Variants in SLC41A1 observed in about 807,000 individuals in gnomAD.
SLC41A1 encodes the protein solute carrier family 41 member 1.
SLC41A1 carries 20 observed loss-of-function variants against 47.3 expected under a neutral mutation model. That is an observed-to-expected ratio of 0.42 (90% CI 0.30 to 0.61). SLC41A1 has a LOEUF of 0.61. Ranked by LOEUF, SLC41A1 falls within the 20% of genes least tolerant of loss-of-function variation. SLC41A1 has a pLI of 0.17. For synonymous variants in SLC41A1, 282 were observed against 272.7 expected (o/e 1.03, Z -0.34); for missense variants, 504 against 674.1 (o/e 0.75, Z 2.79).
Position 205,798,221 on chromosome 1 carries a change from A to C in SLC41A1, c.845-170T>G, listed in dbSNP as rs115304593. On this transcript the variant is annotated intron_variant, in intron 6 of 10. Transcript: ENST00000367137. ...TGGCAGCTCAGGAGGTAGGTGGGACAAGCCTTTTCCATTTTATGGATGAGG... is the reference window on the plus strand; with the variant it reads ...TGGCAGCTCAGGAGGTAGGTGGGACCAGCCTTTTCCATTTTATGGATGAGG... Among the ~76,000 whole-genome samples the C allele has an allele frequency of 8.4e-3, 1,274 of 152,328 alleles. 25 individuals are homozygous for C. Among genetic ancestry groups the C allele is most frequent in the African/African-American group, 0.029 (1,197 of 41,580 alleles).
chr1:205,797,085 C>A (rs1655768112), intron 7 of SLC41A1, 82 bp from the exon 8 acceptor site: 5 of 1,264,788 alleles, frequency 4.0e-6, no homozygotes, highest in Non-Finnish European at 5.7e-6. Context: ...TCCAGGCCCA[C>A]CTATCCTTGG....
rs980524659 is a variant in SLC41A1, at chr1:205,813,122, G to T, written c.-961C>A. On this transcript the variant is annotated 5_prime_UTR_variant, in exon 1 of 11. Transcript: ENST00000367137. Reference sequence around the variant, plus strand: ...GGGGACCGGGGAGCCGAGCTCACGCGCCCCCAATCGCTTCTTGCCCGCGGA... The same window carrying T: ...GGGGACCGGGGAGCCGAGCTCACGCTCCCCCAATCGCTTCTTGCCCGCGGA... 1.0e-6 allele frequency: 1 copy of T among 985,500 alleles called. No individual in the cohort carries two copies. Among genetic ancestry groups the T allele is most frequent in the Non-Finnish European group, 1.2e-6 (1 of 830,010 alleles). 61.0% of individuals were successfully genotyped at this position (985,500 alleles called of 1,614,324 possible).
Position 205,795,439 on chromosome 1 carries a change from A to T in SLC41A1, c.1112T>A (p.Ile371Asn), listed in dbSNP as rs1323309767. Residue 371 changes from isoleucine to asparagine, a missense_variant, in exon 9 of 11, where the codon ATC becomes AAC. Physicochemically the swap from Ile to Asn is moderately radical, Grantham distance 149. Around this residue, in one of 2 missense-constraint regions of SLC41A1, gnomAD observed 421 missense variants for 601.6 expected, o/e 0.70. Coordinates refer to ENST00000367137, the MANE Select transcript of SLC41A1 (RefSeq NM_173854.6). ...GNLVAVQASR[I>N]STFLHMNGMP... is the part of the protein sequence containing the mutation. ...TCCATTCATGTGCAGGAAGGTGGAG[A>T]TGCGGCTGGCCTGCACTGCCACCAG... is the stretch of plus-strand genomic sequence containing the variant. 1 of 1,614,168 alleles carries T rather than the reference A, an allele frequency of 6.2e-7. No homozygotes were observed. Among genetic ancestry groups the T allele is most frequent in the Admixed American group, 1.7e-5 (1 of 60,030 alleles).
In SLC41A1 at chr1:205,813,095, C is replaced by CG. The variant is rs1354326671; in HGVS notation, c.-935dup. ...CGGGCCCGGCGGGGGGGCACCCGGA[C>CG]GGGGGACCGGGGAGCCGAGCTCACG... On this transcript the variant is annotated 5_prime_UTR_variant, in exon 1 of 11. Coordinates refer to ENST00000367137, the MANE Select transcript of SLC41A1 (RefSeq NM_173854.6). 1 of 985,366 alleles carries CG rather than the reference C, an allele frequency of 1.0e-6. No individual in the cohort carries two copies. The highest frequency in any genetic ancestry group is 1.2e-6 in the Non-Finnish European group (1 of 829,990). 61.0% of individuals were successfully genotyped at this position (985,366 alleles called of 1,614,324 possible).
intron 2 of SLC41A1, among the ~76,000 whole-genome samples, chr1:205,809,540 G>T (rs1656095703): frequency 6.6e-6 from 1 of 152,204 alleles, no homozygotes; most frequent in Non-Finnish European, 1.5e-5. Flanking sequence ...TTATGCCAAG[G>T]TTACAGGAAG....
rs1350647832 is a variant in SLC41A1 at position 205,797,819 on chromosome 1, C to G, written c.992+85G>C. The stretch of plus-strand genomic sequence containing the variant: ...ATGAACACATTTCTAGGGTCTGACC[C>G]CCACCCCATCTCTCCAGGGTTTAAA... On this transcript the variant is annotated intron_variant, in intron 7 of 10. Transcript: ENST00000367137. The G allele has an allele frequency of 1.2e-5, 19 of 1,559,284 alleles. No individual in the cohort carries two copies. In the East Asian group the frequency reaches 4.3e-4, roughly 35 times the overall value.
chr1:205,797,890 G>C lies in SLC41A1; in HGVS notation c.992+14C>G. 6.2e-7 allele frequency: 1 copy of C among 1,613,946 alleles called. No homozygotes were observed. The highest frequency in any genetic ancestry group is 1.1e-5 in the South Asian group (1 of 91,074). On this transcript the variant is annotated intron_variant, in intron 7 of 10. Coordinates refer to ENST00000367137, the MANE Select transcript of SLC41A1 (RefSeq NM_173854.6). ...GGAGTGGGGTAGGAGTGGATACTCA[G>C]GGCCCCAGCCTACCTGCTGATGGCC...
chr1:205,812,688 G>C (rs529844367), intron 1 of SLC41A1, 120 bp downstream of exon 1: 2 of 954,060 alleles, frequency 2.1e-6, no homozygotes, highest in Non-Finnish European at 2.5e-6. Flanking sequence ...CGAGGAGGGA[G>C]AGAAAGTAAC....
At chr1:205,796,465 CTCTT>C (rs1571640967) in intron 8 of SLC41A1, 1 of 88,672 alleles carries the variant, frequency 1.1e-5, no homozygotes, top group South Asian at 8.4e-5. Context: ...AGGTTTGCCT[CTCTT>C]GTTTTGCCCA....
rs760540797 is a variant in SLC41A1 at position 205,799,833 on chromosome 1, G to A, written c.481-3C>T. ...GTGTCCATGTGTCCAATGTTGGCCTGGGAAAGGGAGGGCAAGGGGCTGGAG... is the reference window on the plus strand; with the variant it reads ...GTGTCCATGTGTCCAATGTTGGCCTAGGAAAGGGAGGGCAAGGGGCTGGAG... On this transcript the variant is annotated splice_region_variant and splice_polypyrimidine_tract_variant and intron_variant, in intron 3 of 10. Transcript: ENST00000367137. 1 of 1,614,002 alleles carries A rather than the reference G, an allele frequency of 6.2e-7. No homozygotes were observed. Among genetic ancestry groups the A allele is most frequent in the Non-Finnish European group, 8.5e-7 (1 of 1,179,928 alleles).
intron 10 of SLC41A1, among the ~76,000 whole-genome samples, chr1:205,793,278 C>T (rs823154): frequency 0.31 from 47,384 of 152,048 alleles, 8,492 homozygotes; most frequent in Non-Finnish European, 0.4. Flanking sequence ...TCAAGTGTCA[C>T]GCTCTGGCCC....
In SLC41A1 at chr1:205,812,901, C is replaced by G. The variant is rs1252922146; in HGVS notation, c.-740G>C. On this transcript the variant is annotated 5_prime_UTR_variant, in exon 1 of 11. Transcript: ENST00000367137. ...CAGGGCACCCCCTCTTCTCATCACT[C>G]CTCCTCGACAGTCCTCCTTGGCCCC... 3.0e-6 allele frequency: 3 copies of G among 985,400 alleles called. No individual in the cohort carries two copies. The highest frequency in any genetic ancestry group is 1.7e-5 in the African/African-American group (1 of 57,242). 61.0% of individuals were successfully genotyped at this position (985,400 alleles called of 1,614,324 possible).
At position 205,791,603 on chromosome 1, in the gene SLC41A1, G is replaced by C. The variant is rs1655629793; in HGVS notation, c.1472C>G (p.Thr491Ser). The stretch of plus-strand genomic sequence containing the variant: ...ATGGAAGCTGAGTGCTAGGAGCCCA[G>C]TGCCAAGCAGGTCCCCCAGAGCAGT... ...YLTALGDLLG[T>S]GLLALSFHVL... The change falls in exon 11 of 11, where the codon ACT (threonine) becomes AGT (serine). Residue 491 changes from threonine to serine, a missense_variant. Physicochemically the swap from Thr to Ser is moderately conservative, Grantham distance 58. Around this residue, in one of 2 missense-constraint regions of SLC41A1, gnomAD observed 421 missense variants for 601.6 expected, o/e 0.70. Coordinates refer to ENST00000367137, the MANE Select transcript of SLC41A1 (RefSeq NM_173854.6). The surrounding 1 kb of genome is among the most constrained non-coding windows in gnomAD (Gnocchi z 4.0). 6.2e-7 allele frequency: 1 copy of C among 1,614,196 alleles called. No homozygotes were observed. The highest frequency in any genetic ancestry group is 8.5e-7 in the Non-Finnish European group (1 of 1,180,020).
chr1:205,791,427 A>C lies in SLC41A1; in HGVS notation c.*106T>G, dbSNP rs1655623755. 2 of 1,312,504 alleles carry C rather than the reference A, an allele frequency of 1.5e-6. No individual in the cohort carries two copies. The highest frequency in any genetic ancestry group is 2.2e-6 in the Non-Finnish European group (2 of 921,412). 81.3% of individuals were successfully genotyped at this position (1,312,504 alleles called of 1,614,324 possible). ...TAATGAGAATTTGGTATCAAAGTGA[A>C]GTCCTAGAAAGAGGTGGGAGTGTGG... On this transcript the variant is annotated 3_prime_UTR_variant, in exon 11 of 11. Coordinates refer to ENST00000367137, the MANE Select transcript of SLC41A1 (RefSeq NM_173854.6). The surrounding 1 kb of genome is among the most constrained non-coding windows in gnomAD (Gnocchi z 4.0).
chr1:205,812,487 T>C (rs1656180119), intron 1 of SLC41A1, among the ~76,000 whole-genome samples: 1 of 152,204 alleles, frequency 6.6e-6, no homozygotes, highest in Non-Finnish European at 1.5e-5. Flanking sequence ...CCCTCCTGTG[T>C]TCCTGGCAGG....
chr1:205,810,505 C>A lies in SLC41A1; in HGVS notation c.-64G>T. 6.2e-7 allele frequency: 1 copy of A among 1,612,190 alleles called. No individual in the cohort carries two copies. Among genetic ancestry groups the A allele is most frequent in the Non-Finnish European group, 8.5e-7 (1 of 1,179,952 alleles). ...TTCTTTTTGCTTTCTCTCTTCTTCT[C>A]TAACTTGGGAAAGAACTTAGTCTTG... On this transcript the variant is annotated 5_prime_UTR_variant, in exon 2 of 11. Transcript: ENST00000367137. The surrounding 1 kb of genome is among the most constrained non-coding windows in gnomAD (Gnocchi z 5.5).
chr1:205,798,917 G>C (rs377210741), intron 5 of SLC41A1, 40 bp downstream of exon 5: 2 of 1,614,028 alleles, frequency 1.2e-6, no homozygotes, highest in African/African-American at 1.3e-5. Context: ...GTGTTCTCTG[G>C]GGCGGCACTC....
intron 10 of SLC41A1, among the ~76,000 whole-genome samples, chr1:205,793,789 G>A (rs1421164309): frequency 6.6e-6 from 1 of 152,058 alleles, no homozygotes; most frequent in South Asian, 2.1e-4. Flanking sequence ...AAAGAGGAAG[G>A]AAATAAGAAA....
At chr1:205,806,827 G>A (rs183825892) in intron 2 of SLC41A1, among the ~76,000 whole-genome samples, 3 of 152,360 alleles carry the variant, frequency 2.0e-5, no homozygotes, top group Admixed American at 6.5e-5. Flanking sequence ...TCTAGGAAGA[G>A]AGTGGGTTTT....
Sources: gnomAD v4.1 joint callset for allele counts (sites outside exome capture counted in the v4.1 genomes callset) on GRCh38, gnomAD v4.1.1 for gene constraint, gnomAD v4.1.1 regional missense constraint, Gnocchi (gnomAD v3.1) non-coding constraint, MANE v1.5 for transcripts, NCBI Gene and HGNC (gene_info 2026-07-23, HGNC 2026-07-21) for gene names.